MACROH2A2: variants seen among roughly 807,000 people sequenced by gnomAD.
The protein encoded by MACROH2A2 is macroH2A.2 histone.
In MACROH2A2, 6 loss-of-function variants were observed where a neutral mutation model predicts 37.6. The ratio of observed to expected loss-of-function variants is 0.16; its 90% CI spans 0.09 to 0.32. The LOEUF (loss-of-function observed/expected upper bound fraction) is 0.32, where lower values mean the gene tolerates loss of function less well. MACROH2A2 is among the 10% of genes least tolerant of loss of function. The pLI, the probability that MACROH2A2 is intolerant of heterozygous loss-of-function variation, is 1.00. For missense variants in MACROH2A2, 290 were observed against 485.9 expected, an observed-to-expected ratio of 0.60 and a Z score of 3.79; for synonymous variants, 192 against 202.7, an observed-to-expected ratio of 0.95 and a Z score of 0.45.
intron 1 of MACROH2A2, among the ~76,000 whole-genome samples, chr10:70,067,782 T>G (rs1045989851): frequency 3.9e-5 from 6 of 152,122 alleles, no homozygotes; most frequent in Non-Finnish European, 5.9e-5. Context: ...ATCCCCAAAG[T>G]TGATGAAGTC....
At position 70,107,601 on chromosome 10, in the gene MACROH2A2, G is replaced by A. The variant is rs545875442; in HGVS notation, c.779-1432G>A. Among the ~76,000 whole-genome samples, 1 of 152,298 alleles carries A rather than the reference G, an allele frequency of 6.6e-6. No homozygotes were observed. Among genetic ancestry groups the A allele is most frequent in the East Asian group, 1.9e-4 (1 of 5,184 alleles). ...GACTTCCCTCGAGCTTAGCAGCCAC[G>A]GGGCTTTATCAACTCTGTCACCAAT... On this transcript the variant is annotated intron_variant, in intron 7 of 8. Coordinates refer to ENST00000373255, the MANE Select transcript of MACROH2A2 (RefSeq NM_018649.3). This position sits in a 1 kb window ranked among gnomAD's most constrained non-coding sequence, Gnocchi z 4.4.
intron 5 of MACROH2A2, among the ~76,000 whole-genome samples, chr10:70,094,576 T>C (rs1304755119): frequency 6.6e-6 from 1 of 152,204 alleles, no homozygotes; most frequent in African/African-American, 2.4e-5. Flanking sequence ...GGGAAGAGTA[T>C]GTTCTAAGAA....
chr10:70,059,376 C>CT (rs34193972), intron 1 of MACROH2A2, among the ~76,000 whole-genome samples: 1,639 of 143,330 alleles, frequency 0.011, 27 homozygotes, highest in African/African-American at 0.037. Flanking sequence ...AGTATAATTT[C>CT]TTTTTTTTTT....
At chr10:70,067,925 G>C (rs1053839910) in intron 1 of MACROH2A2, among the ~76,000 whole-genome samples, 3 of 152,144 alleles carry the variant, frequency 2.0e-5, no homozygotes, top group African/African-American at 7.2e-5. Flanking sequence ...ATCCTTCTTT[G>C]GCACAGATAG....
intron 1 of MACROH2A2, among the ~76,000 whole-genome samples, chr10:70,072,644 T>C (rs1209150598): frequency 1.3e-5 from 2 of 152,188 alleles, no homozygotes. Context: ...GAGTAAGGCA[T>C]TGTGCTACAC....
At chr10:70,090,231 G>C in intron 3 of MACROH2A2, 65 bp downstream of exon 3, 1 of 1,059,174 alleles carries the variant, frequency 9.4e-7, no homozygotes, top group Non-Finnish European at 1.5e-6. Flanking sequence ...GTGTGGGCCT[G>C]GCTGGCCATG....
intron 1 of MACROH2A2, among the ~76,000 whole-genome samples, chr10:70,058,139 A>T (rs2072028613): frequency 6.6e-6 from 1 of 152,240 alleles, no homozygotes; most frequent in Non-Finnish European, 1.5e-5. Context: ...AGAATATGAG[A>T]CTGAGCCACA....
intron 1 of MACROH2A2, among the ~76,000 whole-genome samples, chr10:70,064,910 C>T (rs2072070420): frequency 6.6e-6 from 1 of 152,164 alleles, no homozygotes; most frequent in Non-Finnish European, 1.5e-5. Flanking sequence ...TGAATGCATG[C>T]CCTGCACACA....
At chr10:70,110,932 A>G (rs1397201046) in intron 8 of MACROH2A2, among the ~76,000 whole-genome samples, 1 of 151,904 alleles carries the variant, frequency 6.6e-6, no homozygotes, top group Non-Finnish European at 1.5e-5. Flanking sequence ...AAAATAAAAT[A>G]CAGGGCACTC....
At chr10:70,064,879 C>T (rs1359811937) in intron 1 of MACROH2A2, among the ~76,000 whole-genome samples, 1 of 151,896 alleles carries the variant, frequency 6.6e-6, no homozygotes, top group Non-Finnish European at 1.5e-5. Flanking sequence ...TAACTGGACA[C>T]CTAAAGCCAT....
Position 70,093,772 on chromosome 10 carries a change from A to G in MACROH2A2, c.515A>G (p.Asn172Ser). 1 of 1,612,424 alleles carries G rather than the reference A, an allele frequency of 6.2e-7. No homozygotes were observed. The highest frequency in any genetic ancestry group is 8.5e-7 in the Non-Finnish European group (1 of 1,178,380). ...GACAGCGATAAAGAAGGAACTTCAA[A>G]TTCCACCTCTGAAGATGGGCCAGGG... ...PKDSDKEGTS[N>S]STSEDGPGDG... The change falls in exon 5 of 9, where the codon AAT becomes AGT. Residue 172 changes from asparagine to serine, a missense_variant. Around this residue, in one of 3 missense-constraint regions of MACROH2A2, gnomAD observed 77 missense variants for 68.9 expected, o/e 1.12. Transcript: ENST00000373255.
At chr10:70,071,669 A>G (rs2072111666) in intron 1 of MACROH2A2, among the ~76,000 whole-genome samples, 2 of 152,368 alleles carry the variant, frequency 1.3e-5, no homozygotes, top group South Asian at 2.1e-4. Flanking sequence ...CTGTACACCT[A>G]GGCTATAATC....
chr10:70,079,666 T>A (rs1048169423), intron 2 of MACROH2A2, among the ~76,000 whole-genome samples: 2 of 141,768 alleles, frequency 1.4e-5, no homozygotes, highest in Non-Finnish European at 3.1e-5. Flanking sequence ...TGGCTTTAGG[T>A]AGAGATCAGT....
chr10:70,069,304 C>G (rs747240272), intron 1 of MACROH2A2, among the ~76,000 whole-genome samples: 1 of 152,182 alleles, frequency 6.6e-6, no homozygotes, highest in Non-Finnish European at 1.5e-5. Flanking sequence ...TTCGGGGGAA[C>G]GAGCCAGGAG....
intron 2 of MACROH2A2, among the ~76,000 whole-genome samples, chr10:70,078,788 A>G (rs2072155896): frequency 6.6e-6 from 1 of 152,154 alleles, no homozygotes; most frequent in South Asian, 2.1e-4. Context: ...ATCCAAGGGA[A>G]TGAATCATAT....
chr10:70,095,711 G>A lies in MACROH2A2; in HGVS notation c.646G>A (p.Val216Ile). Residue 216 changes from valine (V) to isoleucine (I), a missense_variant, in exon 6 of 9, where the codon GTC becomes ATC. Val to Ile is a conservative substitution (Grantham distance 29). Coordinates refer to ENST00000373255, the MANE Select transcript of MACROH2A2 (RefSeq NM_018649.3). ...TGGCTCCATGAGAGTGGAGGGCATT[G>A]TCCACCCAACCACAGCCGAAATTGA... ...HIGSMRVEGI[V>I]HPTTAEIDLK... is the part of the protein sequence containing the mutation. 6.2e-7 allele frequency: 1 copy of A among 1,603,032 alleles called. No homozygotes were observed. The highest frequency in any genetic ancestry group is 1.1e-5 in the South Asian group (1 of 90,816).
At chr10:70,102,546 G>A (rs570017511) in intron 7 of MACROH2A2, among the ~76,000 whole-genome samples, 3 of 152,110 alleles carry the variant, frequency 2.0e-5, no homozygotes, top group South Asian at 2.1e-4. Context: ...GTGAAACCCC[G>A]TCTCTACTAA....
chr10:70,054,132 G>T (rs186601379), intron 1 of MACROH2A2, among the ~76,000 whole-genome samples: 1 of 152,382 alleles, frequency 6.6e-6, no homozygotes, highest in Non-Finnish European at 1.5e-5. Context: ...GGCCAAACGA[G>T]CTTCCTCCAG....
chr10:70,061,084 A>C (rs940201284), intron 1 of MACROH2A2, among the ~76,000 whole-genome samples: 1 of 152,164 alleles, frequency 6.6e-6, no homozygotes, highest in Non-Finnish European at 1.5e-5. Flanking sequence ...TTCTCCCCAA[A>C]AGCAATTCAT....
Sources: gnomAD v4.1 joint callset for allele counts (sites outside exome capture counted in the v4.1 genomes callset) on GRCh38, gnomAD v4.1.1 for gene constraint, gnomAD v4.1.1 regional missense constraint, Gnocchi (gnomAD v3.1) non-coding constraint, MANE v1.5 for transcripts, NCBI Gene and HGNC (gene_info 2026-07-23, HGNC 2026-07-21) for gene names.